TBC1D23: variants seen among roughly 807,000 people sequenced by gnomAD.
TBC1D23 encodes HCV non-structural protein 4A-transactivated protein 1.
TBC1D23 carries 55 observed loss-of-function variants against 91.4 expected under a neutral mutation model. That is an observed-to-expected ratio of 0.60 (90% CI 0.48 to 0.75). TBC1D23 has a LOEUF of 0.75. Among genes scored for constraint, TBC1D23 ranks in the 30% least tolerant of loss-of-function variants. TBC1D23 has a pLI of 0.00. For missense variants in TBC1D23, 725 were observed against 836.1 expected (o/e 0.87, Z 1.64); for synonymous variants, 289 against 281.0 (o/e 1.03, Z -0.28).
At chr3:100,304,663 T>TA (rs1251700393) in intron 11 of TBC1D23, among the ~76,000 whole-genome samples, 183 bp from the exon 12 acceptor site, 1 of 152,142 alleles carries the variant, frequency 6.6e-6, no homozygotes, top group Admixed American at 6.5e-5. Context: ...CACCAGAACT[T>TA]ACAATGCATA....
At chr3:100,265,916 C>A (rs1050994257) in intron 1 of TBC1D23, among the ~76,000 whole-genome samples, 3 of 151,812 alleles carry the variant, frequency 2.0e-5, no homozygotes, top group African/African-American at 7.3e-5. Context: ...ATCAGTGTTC[C>A]CCATTTAATA....
Position 100,308,151 on chromosome 3 carries a change from A to AT in TBC1D23, c.1413+1616dup, listed in dbSNP as rs202090043. On this transcript the variant is annotated intron_variant, in intron 13 of 18. Transcript: ENST00000394144. ...ATTTAGATATGGAAATAGAAACATA[A>AT]TTTTTTTTGTTGTTAATGACATTTC... Among the ~76,000 whole-genome samples the AT allele has an allele frequency of 6.3e-3, 961 of 152,244 alleles. 8 individuals are homozygous for AT. The highest frequency in any genetic ancestry group is 0.018 in the African/African-American group (749 of 41,548).
chr3:100,267,180 G>T (rs948778786), intron 1 of TBC1D23: 4 of 430,108 alleles, frequency 9.3e-6, no homozygotes, highest in Non-Finnish European at 1.8e-5. Flanking sequence ...AAAATAATAG[G>T]ATTAAACAGT....
At position 100,278,386 on chromosome 3, in the gene TBC1D23, ATT is replaced by A. The variant is rs199688288; in HGVS notation, c.54-1247_54-1246del. Among the ~76,000 whole-genome samples, 720 of 141,416 alleles carry A rather than the reference ATT, an allele frequency of 5.1e-3. 2 individuals carry two copies. The highest frequency in any genetic ancestry group is 6.6e-3 in the Non-Finnish European group (428 of 64,364). The allele number at this position is 141,416 out of a possible 152,430, so 92.8% of individuals were successfully genotyped here. A position where few individuals can be genotyped will look rare whatever the true frequency, so the allele number is the denominator to read the frequency against. On this transcript the variant is annotated intron_variant, in intron 1 of 18. Coordinates refer to ENST00000394144, the MANE Select transcript of TBC1D23 (RefSeq NM_001199198.3). ...TTGAAAATTCCTAAGGAATTGATTGATTTTTTTTTTTTTTTTTGAGACGGAGT... is the reference window on the plus strand; with the variant it reads ...TTGAAAATTCCTAAGGAATTGATTGATTTTTTTTTTTTTTTGAGACGGAGT...
intron 16 of TBC1D23, among the ~76,000 whole-genome samples, chr3:100,318,715 A>C (rs973098571): frequency 6.6e-6 from 1 of 151,090 alleles, no homozygotes; most frequent in Non-Finnish European, 1.5e-5. Flanking sequence ...CAGTGGCGCA[A>C]TCTCAGCTCA....
intron 1 of TBC1D23, among the ~76,000 whole-genome samples, chr3:100,274,834 TA>T (rs1219640784): frequency 6.7e-6 from 1 of 148,472 alleles, no homozygotes; most frequent in Non-Finnish European, 1.5e-5. Context: ...TAAACATATA[TA>T]ATATGATAAA....
chr3:100,297,894 A>G (rs751952487), intron 8 of TBC1D23, 29 bp from the exon 9 acceptor site: 5 of 1,523,736 alleles, frequency 3.3e-6, no homozygotes, highest in South Asian at 1.2e-5. Context: ...TTTTTTTTTC[A>G]TAATGTTTAA....
chr3:100,311,810 T>TC (rs764177058), intron 14 of TBC1D23, 23 bp from the exon 15 acceptor site: 1 of 1,517,080 alleles, frequency 6.6e-7, no homozygotes, highest in South Asian at 1.2e-5. Context: ...TTTTGTTCTG[T>TC]CCTCTGCCTT....
intron 1 of TBC1D23, among the ~76,000 whole-genome samples, chr3:100,268,742 T>C (rs2067577516): frequency 1.3e-5 from 2 of 152,214 alleles, no homozygotes; most frequent in Admixed American, 6.5e-5. Context: ...TGCATTTCTT[T>C]GTGCCTTAAA....
intron 4 of TBC1D23, 95 bp downstream of exon 4, chr3:100,283,906 A>T: frequency 1.5e-6 from 1 of 662,422 alleles, no homozygotes. Flanking sequence ...GCGGTAAAGT[A>T]AAAGGTTCAA....
intron 1 of TBC1D23, among the ~76,000 whole-genome samples, chr3:100,265,271 T>G (rs998001038): frequency 1.3e-5 from 2 of 152,244 alleles, no homozygotes; most frequent in African/African-American, 2.4e-5. Context: ...ATAAATTTCC[T>G]GACTCCAGTG....
chr3:100,301,574 T>A (rs952658399), intron 10 of TBC1D23, among the ~76,000 whole-genome samples: 1 of 152,222 alleles, frequency 6.6e-6, no homozygotes, highest in African/African-American at 2.4e-5. Flanking sequence ...GTCGTACTTG[T>A]TTCCTTGAGG....
intron 14 of TBC1D23, among the ~76,000 whole-genome samples, 165 bp downstream of exon 14, chr3:100,310,707 T>A (rs548328881): frequency 2.2e-4 from 33 of 152,338 alleles, no homozygotes; most frequent in African/African-American, 6.3e-4. Context: ...TGCAGGAATG[T>A]ACTTTATATC....
At chr3:100,314,810 G>C (rs1705704455) in intron 15 of TBC1D23, among the ~76,000 whole-genome samples, 1 of 152,026 alleles carries the variant, frequency 6.6e-6, no homozygotes, top group African/African-American at 2.4e-5. Context: ...ATAACTAAAG[G>C]CATGTAACTT....
intron 14 of TBC1D23, among the ~76,000 whole-genome samples, chr3:100,311,123 G>A (rs1705617505): frequency 6.6e-6 from 1 of 151,972 alleles, no homozygotes; most frequent in Admixed American, 6.6e-5. Context: ...TTTTCTCCAC[G>A]TATAAGTCTG....
intron 4 of TBC1D23, among the ~76,000 whole-genome samples, chr3:100,285,707 C>G (rs1212144500): frequency 6.6e-6 from 1 of 152,174 alleles, no homozygotes; most frequent in Non-Finnish European, 1.5e-5. Context: ...GTGGAGATCC[C>G]AGTTTCTTCA....
chr3:100,283,840 T>C (rs1425563520), intron 4 of TBC1D23, 29 bp downstream of exon 4: 1 of 1,474,160 alleles, frequency 6.8e-7, no homozygotes, highest in Admixed American at 1.7e-5. Context: ...ATTGTAGTTT[T>C]TAAAAGTGAA....
rs138242080 is a variant in TBC1D23 at position 100,289,012 on chromosome 3, G to C, written c.477-1566G>C. ...GAGGATCGCTTGAGCCCAGGAGTTC[G>C]AGACCAGCCTGGGCAACATGAAGAA... On this transcript the variant is annotated intron_variant, in intron 4 of 18. Coordinates refer to ENST00000394144, the MANE Select transcript of TBC1D23 (RefSeq NM_001199198.3). 4.7e-3 allele frequency among the ~76,000 whole-genome samples: 712 copies of C among 152,094 alleles called. 2 individuals carry two copies. The highest frequency in any genetic ancestry group is 6.4e-3 in the Non-Finnish European group (432 of 67,982).
At chr3:100,299,424 T>A in intron 10 of TBC1D23, 93 bp downstream of exon 10, 1 of 677,112 alleles carries the variant, frequency 1.5e-6, no homozygotes, top group Non-Finnish European at 2.4e-6. Context: ...GGAATTTTTT[T>A]CTTTCTGCTT....
Sources: allele counts gnomAD v4.1 joint callset (sites outside exome capture counted in the v4.1 genomes callset), GRCh38; gene constraint gnomAD v4.1.1; transcripts MANE v1.5; gene names NCBI Gene and HGNC (gene_info 2026-07-23, HGNC 2026-07-21).